The following SHC4 variants were observed in gnomAD, a reference collection of about 807,000 sequenced individuals.
The protein encoded by SHC4 is SHC-transforming protein 4.
SHC4 carries 41 observed loss-of-function variants against 69.4 expected under a neutral mutation model. The observed-to-expected ratio is 0.59, with a 90% confidence interval of 0.46 to 0.77. The LOEUF (loss-of-function observed/expected upper bound fraction) is 0.77. SHC4 is among the 30% of genes least tolerant of loss of function. The pLI is 0.00. For missense variants in SHC4, 777 were observed against 783.8 expected (o/e 0.99, Z 0.10); for synonymous variants, 318 against 299.3 (o/e 1.06, Z -0.64).
chr15:48,826,144 A>T lies in SHC4; in HGVS notation c.1738-18T>A. 6.3e-7 allele frequency: 1 copy of T among 1,599,186 alleles called. No homozygotes were observed. Among genetic ancestry groups the T allele is most frequent in the Non-Finnish European group, 8.5e-7 (1 of 1,174,910 alleles). On this transcript the variant is annotated intron_variant, in intron 11 of 11. Transcript: ENST00000332408. ...GTCCTCACCTTGAAAAAGAAGTACA[A>T]ATATATTTAGGTTAAATTATAGTAG...
At chr15:48,892,764 G>A (rs1476822047) in intron 2 of SHC4, among the ~76,000 whole-genome samples, 2 of 151,560 alleles carry the variant, frequency 1.3e-5, no homozygotes, top group Non-Finnish European at 2.9e-5. Context: ...TTGGGAGGCT[G>A]AGGCAGGAGA....
At chr15:48,840,866 C>T (rs1218193925) in intron 10 of SHC4, among the ~76,000 whole-genome samples, 1 of 151,896 alleles carries the variant, frequency 6.6e-6, no homozygotes. Flanking sequence ...GGAGATCGTA[C>T]CAAAGGCCTA....
At chr15:48,916,782 T>C (rs1294846183) in intron 2 of SHC4, among the ~76,000 whole-genome samples, 1 of 152,182 alleles carries the variant, frequency 6.6e-6, no homozygotes, top group Non-Finnish European at 1.5e-5. Context: ...AAGCCACTGC[T>C]TCTTAGTTGC....
chr15:48,935,792 G>A (rs145039199), intron 1 of SHC4, among the ~76,000 whole-genome samples: 139 of 152,240 alleles, frequency 9.1e-4, no homozygotes, highest in Admixed American at 5.0e-3. Flanking sequence ...ACAGAGAGAT[G>A]AGCTGCTTGG....
intron 2 of SHC4, among the ~76,000 whole-genome samples, chr15:48,919,295 A>ATTTTTTTTTTTTTTTTTTTGTTTT (rs1900692986): frequency 1.4e-5 from 1 of 71,216 alleles, no homozygotes; most frequent in Non-Finnish European, 2.6e-5. Context: ...ATTTATTTTA[A>ATTTTTTTTTTTTTTTTTTTGTTTT]TTTTTTTTTT....
rs386382928 is a variant in SHC4, at chr15:48,919,295, ATT to A, written c.656+5582_656+5583del. Among the ~76,000 whole-genome samples, 691 of 71,256 alleles carry A rather than the reference ATT, an allele frequency of 9.7e-3. 15 individuals are homozygous for A. The highest frequency in any genetic ancestry group is 0.034 in the African/African-American group (647 of 19,178). 46.7% of individuals were successfully genotyped at this position (71,256 alleles called of 152,430 possible). The stretch of plus-strand genomic sequence containing the variant: ...CTCACACTCTTAAAAATTTATTTTA[ATT>A]TTTTTTTTTTTTTTTTTTGTAGAGA... On this transcript the variant is annotated intron_variant, in intron 2 of 11. Transcript: ENST00000332408.
intron 4 of SHC4, chr15:48,877,244 A>G: frequency 5.0e-6 from 1 of 200,646 alleles, no homozygotes; most frequent in Non-Finnish European, 9.1e-6. Flanking sequence ...GTGTCTCATC[A>G]CCCCCAGATG....
intron 1 of SHC4, among the ~76,000 whole-genome samples, chr15:48,955,723 T>C (rs1172279801): frequency 6.6e-6 from 1 of 152,234 alleles, no homozygotes; most frequent in Non-Finnish European, 1.5e-5. Context: ...AAGAAGTTTT[T>C]GTAATTATCT....
intron 1 of SHC4, among the ~76,000 whole-genome samples, chr15:48,931,033 G>T (rs967039168): frequency 6.6e-6 from 1 of 152,152 alleles, no homozygotes; most frequent in Non-Finnish European, 1.5e-5. Context: ...GTCACCTACC[G>T]CTGTCGACCT....
At chr15:48,832,229 G>A (rs1401678123) in intron 11 of SHC4, among the ~76,000 whole-genome samples, 1 of 152,176 alleles carries the variant, frequency 6.6e-6, no homozygotes, top group Non-Finnish European at 1.5e-5. Context: ...CCGAGATGGT[G>A]CCATTGTACT....
At chr15:48,843,690 C>A (rs761458145) in intron 9 of SHC4, 102 bp from the exon 10 acceptor site, 8 of 1,123,980 alleles carry the variant, frequency 7.1e-6, no homozygotes, top group Admixed American at 2.4e-5. Flanking sequence ...AAGGCCATGC[C>A]CCACCCTATA....
chr15:48,828,127 A>G (rs956733006), intron 11 of SHC4, among the ~76,000 whole-genome samples: 33 of 126,846 alleles, frequency 2.6e-4, no homozygotes, highest in African/African-American at 8.4e-4. Flanking sequence ...ATATATATAT[A>G]TATATATACA....
At position 48,962,894 on chromosome 15, in the gene SHC4, A is replaced by C; in HGVS notation, c.122T>G (p.Leu41Trp). The change falls in exon 1 of 12, where the codon TTG becomes TGG. Residue 41 changes from leucine (L) to tryptophan (W), a missense_variant. Transcript: ENST00000332408. ...SRFRNESITS[L>W]DEGSSGGSVG... ...CGAGCCTCCGGAGCTACCTTCGTCC[A>C]AGGACGTGATCGACTCGTTCCGAAA... The C allele has an allele frequency of 1.9e-6, 3 of 1,613,402 alleles. No individual in the cohort carries two copies. The highest frequency in any genetic ancestry group is 2.7e-5 in the African/African-American group (2 of 75,044).
At position 48,962,724 on chromosome 15, in the gene SHC4, G is replaced by T. The variant is rs933307109; in HGVS notation, c.292C>A (p.Pro98Thr). 6.2e-7 allele frequency: 1 copy of T among 1,613,866 alleles called. No homozygotes were observed. Among genetic ancestry groups the T allele is most frequent in the Middle Eastern group, 1.6e-4 (1 of 6,062 alleles). The change falls in exon 1 of 12, where the codon CCG (proline) becomes ACG (threonine). Residue 98 changes from proline to threonine, a missense_variant. Coordinates refer to ENST00000332408, the MANE Select transcript of SHC4 (RefSeq NM_203349.4). ...TTTTTCAGACTCAGCAAAGTGGCCG[G>T]GTTGGCCAGCTTCATGCTTGCCATG... The part of the protein sequence containing the change: ...PRMASMKLAN[P>T]ATLLSLKNFC...
intron 2 of SHC4, among the ~76,000 whole-genome samples, chr15:48,897,548 T>C (rs1393097159): frequency 3.6e-5 from 5 of 140,232 alleles, no homozygotes; most frequent in African/African-American, 1.3e-4. Flanking sequence ...ACACTTTTTT[T>C]TTTTTTAAGT....
At chr15:48,958,156 T>TGGCTG (rs1658962508) in intron 1 of SHC4, among the ~76,000 whole-genome samples, 1 of 152,230 alleles carries the variant, frequency 6.6e-6, no homozygotes, top group Admixed American at 6.5e-5. Flanking sequence ...GGGAAACAGT[T>TGGCTG]GGCTGGGCTG....
At chr15:48,923,407 G>A (rs1056740676) in intron 2 of SHC4, among the ~76,000 whole-genome samples, 6 of 151,932 alleles carry the variant, frequency 3.9e-5, no homozygotes, top group African/African-American at 1.2e-4. Flanking sequence ...GAAATTAGCC[G>A]GGTGTGGTGG....
chr15:48,839,504 T>G (rs1401784147), intron 10 of SHC4, among the ~76,000 whole-genome samples: 1 of 152,162 alleles, frequency 6.6e-6, no homozygotes, highest in African/African-American at 2.4e-5. Context: ...AAAAGTCCTT[T>G]CCTAAAGCTG....
intron 9 of SHC4, among the ~76,000 whole-genome samples, chr15:48,846,868 A>G (rs1374647434): frequency 5.9e-5 from 9 of 152,290 alleles, no homozygotes; most frequent in Middle Eastern, 3.4e-3. Context: ...GCCCCTCACA[A>G]AGCGTTAGCC....
Sources: allele counts gnomAD v4.1 joint callset (sites outside exome capture counted in the v4.1 genomes callset), GRCh38; gene constraint gnomAD v4.1.1; transcripts MANE v1.5; gene names NCBI Gene and HGNC (gene_info 2026-07-23, HGNC 2026-07-21).